Variants in GPC3 observed in about 807,000 individuals in gnomAD.
GPC3 encodes glypican 3.
GPC3 carries 3 observed loss-of-function variants against 34.4 expected under a neutral mutation model. The observed-to-expected ratio is 0.09, with a 90% CI of 0.04 to 0.23. GPC3 has a LOEUF of 0.23. Among genes scored for constraint, GPC3 ranks in the 10% least tolerant of loss-of-function variants. The probability of loss-of-function intolerance (pLI) is 1.00; values close to 1 mark genes in which losing one functional copy is unlikely to be tolerated. For missense variants in GPC3, 351 were observed against 445.6 expected (o/e 0.79, Z 1.91); for synonymous variants, 177 against 174.0 (o/e 1.02, Z -0.13).
At chrX:133,980,998 C>T (rs750819263) in intron 1 of GPC3, among the ~76,000 whole-genome samples, 1 of 112,586 alleles carries the variant, frequency 8.9e-6, no homozygotes, top group African/African-American at 3.2e-5. Flanking sequence ...GCAAAACTGA[C>T]GCCATCTGCG....
At chrX:133,903,336 A>G (rs1044536598) in intron 2 of GPC3, among the ~76,000 whole-genome samples, 1 of 111,440 alleles carries the variant, frequency 9.0e-6, no homozygotes, top group Non-Finnish European at 1.9e-5. Flanking sequence ...CTGTAATCCC[A>G]GCAATTTGGG....
At chrX:133,605,689 G>A (rs1354224120) in intron 6 of GPC3, among the ~76,000 whole-genome samples, 1 of 112,152 alleles carries the variant, frequency 8.9e-6, no homozygotes, top group Non-Finnish European at 1.9e-5. Flanking sequence ...GAAAAGAGGA[G>A]GAAGAGGGGT....
chrX:133,951,785 C>A (rs1305172201), intron 2 of GPC3, among the ~76,000 whole-genome samples: 2 of 112,048 alleles, frequency 1.8e-5, no homozygotes, highest in African/African-American at 6.5e-5. Flanking sequence ...CCCCCTGAGG[C>A]TTTGACCCAA....
At chrX:133,877,695 A>T (rs2076022575) in intron 2 of GPC3, among the ~76,000 whole-genome samples, 1 of 112,298 alleles carries the variant, frequency 8.9e-6, no homozygotes, top group Admixed American at 9.5e-5. Context: ...GATTAACTCA[A>T]AACAAATTAC....
intron 6 of GPC3, among the ~76,000 whole-genome samples, chrX:133,599,582 T>C (rs2124334541): frequency 8.9e-6 from 1 of 111,905 alleles, no homozygotes; most frequent in South Asian, 3.8e-4. Context: ...CCAGGATCCA[T>C]AAACCATTCT....
intron 3 of GPC3, among the ~76,000 whole-genome samples, chrX:133,705,564 G>A (rs1307631558): frequency 2.7e-5 from 3 of 112,128 alleles, no homozygotes; most frequent in Admixed American, 9.4e-5. Flanking sequence ...GTTAGTAAAT[G>A]GTAGAGCTGA....
chrX:133,742,324 G>A (rs944097857), intron 3 of GPC3, among the ~76,000 whole-genome samples: 7 of 111,547 alleles, frequency 6.3e-5, no homozygotes, highest in Admixed American at 3.8e-4. Context: ...CAAACACCAT[G>A]CTCTTAGTGT....
chrX:133,666,397 T>A (rs1386475763), intron 5 of GPC3, among the ~76,000 whole-genome samples: 2 of 112,470 alleles, frequency 1.8e-5, no homozygotes, highest in Non-Finnish European at 3.8e-5. Context: ...TAAGCATGGT[T>A]TCTGGTTACA....
At chrX:133,787,252 C>T (rs1211047963) in intron 2 of GPC3, among the ~76,000 whole-genome samples, 1 of 111,986 alleles carries the variant, frequency 8.9e-6, no homozygotes, top group Middle Eastern at 4.2e-3. Flanking sequence ...AGGAGTCTGA[C>T]ACAATTGTTT....
intron 6 of GPC3, among the ~76,000 whole-genome samples, chrX:133,616,167 CA>C (rs1328207861): frequency 9.0e-6 from 1 of 111,668 alleles, no homozygotes; most frequent in Non-Finnish European, 1.9e-5. Context: ...AAAAAACTAT[CA>C]GCTAATCAGT....
rs188117240 is a variant in GPC3, at chrX:133,700,133, G to C, written c.1033-105C>G. ...TTTCTTCCCCCAATTTTAAATAGCAGAACAAAGCTATGACTAGAGTCAAAA... is the reference window on the plus strand; with the variant it reads ...TTTCTTCCCCCAATTTTAAATAGCACAACAAAGCTATGACTAGAGTCAAAA... On this transcript the variant is annotated intron_variant, in intron 3 of 7. Transcript: ENST00000370818. 9 of 609,391 alleles carry C rather than the reference G, an allele frequency of 1.5e-5. No individual in the cohort carries two copies. In the East Asian group the frequency reaches 2.7e-4, roughly 18 times the overall value. 50.2% of individuals were successfully genotyped at this position (609,391 alleles called of 1,213,427 possible).
intron 6 of GPC3, among the ~76,000 whole-genome samples, chrX:133,614,247 T>C (rs1375709722): frequency 9.0e-6 from 1 of 111,324 alleles, no homozygotes; most frequent in Non-Finnish European, 1.9e-5. Context: ...CATAAATTTA[T>C]GTGTCTAAGA....
chrX:133,730,787 A>C (rs2071455198), intron 3 of GPC3, among the ~76,000 whole-genome samples: 1 of 111,356 alleles, frequency 9.0e-6, no homozygotes, highest in South Asian at 3.8e-4. Flanking sequence ...AGAAGCATAC[A>C]ATGTCATATA....
intron 2 of GPC3, among the ~76,000 whole-genome samples, chrX:133,874,993 G>T (rs1336342916): frequency 1.8e-5 from 2 of 112,461 alleles, no homozygotes; most frequent in African/African-American, 6.5e-5. Flanking sequence ...GTCAAGGACA[G>T]ATTCTGGGCT....
chrX:133,669,825 T>C (rs937806610), intron 5 of GPC3, among the ~76,000 whole-genome samples: 15 of 112,310 alleles, frequency 1.3e-4, no homozygotes, highest in African/African-American at 3.9e-4. Flanking sequence ...ATGTTAGAAG[T>C]GTTACCTTAC....
chrX:133,587,741 C>T (rs2069804001), intron 7 of GPC3, among the ~76,000 whole-genome samples: 1 of 112,081 alleles, frequency 8.9e-6, no homozygotes, highest in South Asian at 3.7e-4. Flanking sequence ...GGATATGATG[C>T]TTTAAAGTTT....
chrX:133,634,122 A>G (rs1369646692), intron 6 of GPC3, among the ~76,000 whole-genome samples: 2 of 112,069 alleles, frequency 1.8e-5, no homozygotes, highest in African/African-American at 6.5e-5. Flanking sequence ...TTAAAACCAC[A>G]ATGAGATACC....
intron 2 of GPC3, among the ~76,000 whole-genome samples, chrX:133,868,337 G>A (rs2075978079): frequency 1.8e-5 from 2 of 112,227 alleles, no homozygotes; most frequent in Admixed American, 9.4e-5. Flanking sequence ...CAGGTCCTGT[G>A]AGGGGGATCA....
chrX:133,916,060 G>A (rs199552299), intron 2 of GPC3, among the ~76,000 whole-genome samples: 5 of 105,853 alleles, frequency 4.7e-5, no homozygotes, highest in African/African-American at 1.4e-4. Context: ...CAGGAGAATC[G>A]ATTGAACCTG....
Sources: gnomAD v4.1 joint callset for allele counts (sites outside exome capture counted in the v4.1 genomes callset) on GRCh38, gnomAD v4.1.1 for gene constraint, MANE v1.5 for transcripts, NCBI Gene and HGNC (gene_info 2026-07-23, HGNC 2026-07-21) for gene names.